The following SEMA3E variants were observed in gnomAD, a reference collection of about 807,000 sequenced individuals.
SEMA3E encodes semaphorin-3E.
A neutral mutation model predicts 93.6 loss-of-function variants in SEMA3E; 49 were observed. That is an observed-to-expected ratio of 0.52 (90% confidence interval 0.42 to 0.66). The LOEUF is 0.66. Ranked by LOEUF, SEMA3E falls within the 30% of genes least tolerant of loss-of-function variation. The probability of loss-of-function intolerance (pLI) is 0.00; values close to 1 mark genes in which losing one functional copy is unlikely to be tolerated. For synonymous variants in SEMA3E, 363 were observed against 330.7 expected, an observed-to-expected ratio of 1.10 and a Z score of -1.06; for missense variants, 906 against 964.8, an observed-to-expected ratio of 0.94 and a Z score of 0.81.
intron 1 of SEMA3E, among the ~76,000 whole-genome samples, chr7:83,646,429 A>C (rs1794080460): frequency 1.3e-5 from 2 of 152,060 alleles, no homozygotes; most frequent in Admixed American, 1.3e-4. Context: ...TTGCTGCTTC[A>C]GGTAGCATCT....
chr7:83,618,530 G>A (rs1793474200), intron 1 of SEMA3E, among the ~76,000 whole-genome samples: 1 of 151,908 alleles, frequency 6.6e-6, no homozygotes, highest in Admixed American at 6.6e-5. Flanking sequence ...CAATAAAACA[G>A]GAATATACAA....
chr7:83,462,826 G>A (rs1482015747), intron 4 of SEMA3E, among the ~76,000 whole-genome samples: 1 of 137,822 alleles, frequency 7.3e-6, no homozygotes, highest in South Asian at 2.5e-4. Context: ...AAATTGTTTT[G>A]CCTGTCCACC....
At chr7:83,512,758 A>G (rs1790852251) in intron 1 of SEMA3E, among the ~76,000 whole-genome samples, 2 of 152,214 alleles carry the variant, frequency 1.3e-5, no homozygotes, top group Non-Finnish European at 2.9e-5. Context: ...TACAACGTAT[A>G]TACATTGTGC....
chr7:83,413,278 A>G (rs959243852), intron 5 of SEMA3E, among the ~76,000 whole-genome samples: 1 of 151,610 alleles, frequency 6.6e-6, no homozygotes, highest in Non-Finnish European at 1.5e-5. Context: ...ATAACAAGAA[A>G]AATTCACAGT....
chr7:83,496,049 C>G (rs551251981), intron 1 of SEMA3E, among the ~76,000 whole-genome samples: 1 of 151,892 alleles, frequency 6.6e-6, no homozygotes, highest in Non-Finnish European at 1.5e-5. Flanking sequence ...ATGGCATGTA[C>G]TATCTAAGGG....
At chr7:83,627,628 CTTT>C (rs746550123) in intron 1 of SEMA3E, among the ~76,000 whole-genome samples, 465 of 65,278 alleles carry the variant, frequency 7.1e-3, no homozygotes, top group Non-Finnish European at 9.7e-3. Flanking sequence ...GCAACCCCTG[CTTT>C]TTTTTTTTTT....
chr7:83,423,323 G>A (rs1025491777), intron 4 of SEMA3E, among the ~76,000 whole-genome samples: 1 of 152,000 alleles, frequency 6.6e-6, no homozygotes, highest in Non-Finnish European at 1.5e-5. Context: ...GTATGTCTAA[G>A]GTCAAAACTC....
chr7:83,581,680 G>T (rs1040401658), intron 1 of SEMA3E, among the ~76,000 whole-genome samples: 1 of 151,772 alleles, frequency 6.6e-6, no homozygotes, highest in African/African-American at 2.4e-5. Flanking sequence ...CTTCAAAATC[G>T]CTGCAAGTGA....
At chr7:83,539,033 T>A (rs1349482645) in intron 1 of SEMA3E, among the ~76,000 whole-genome samples, 1 of 152,170 alleles carries the variant, frequency 6.6e-6, no homozygotes, top group Non-Finnish European at 1.5e-5. Context: ...AAAAGTTGAT[T>A]AGAAGCTCTG....
At chr7:83,464,046 C>G (rs1789696032) in intron 4 of SEMA3E, among the ~76,000 whole-genome samples, 1 of 152,088 alleles carries the variant, frequency 6.6e-6, no homozygotes, top group South Asian at 2.1e-4. Context: ...TAAGCCTTCC[C>G]ACCTCAATAC....
intron 1 of SEMA3E, among the ~76,000 whole-genome samples, chr7:83,502,283 A>G (rs1790610907): frequency 6.6e-6 from 1 of 152,188 alleles, no homozygotes; most frequent in South Asian, 2.1e-4. Flanking sequence ...CACAGTAGCC[A>G]GAGTGATCAT....
rs780996786 is a variant in SEMA3E, at chr7:83,367,720, C to T, written c.2194G>A (p.Val732Ile). The T allele has an allele frequency of 6.2e-7, 1 of 1,614,108 alleles. No individual in the cohort carries two copies. The change falls in exon 17 of 17, where the codon GTA becomes ATA. Residue 732 changes from valine (V) to isoleucine (I), a missense_variant. Physicochemically the swap from Val to Ile is conservative, Grantham distance 29 (BLOSUM62 3). Coordinates refer to ENST00000643230, the MANE Select transcript of SEMA3E (RefSeq NM_012431.3). ...FQRVEEYCEK[V>I]WCTDRKRKKL... ...TTCCTCTTTCTATCTGTGCACCATA[C>T]TTTCTCGCAGTATTCTTCCACTCTC...
chr7:83,633,924 C>G (rs1365352315), intron 1 of SEMA3E, among the ~76,000 whole-genome samples: 2 of 152,090 alleles, frequency 1.3e-5, no homozygotes, highest in South Asian at 2.1e-4. Context: ...GAGATCACTC[C>G]CTGAAGTAGT....
intron 1 of SEMA3E, among the ~76,000 whole-genome samples, chr7:83,634,118 T>C (rs1793836028): frequency 6.6e-6 from 1 of 152,192 alleles, no homozygotes; most frequent in African/African-American, 2.4e-5. Context: ...CTTAAAACAA[T>C]ATATTACTAT....
intron 1 of SEMA3E, among the ~76,000 whole-genome samples, chr7:83,637,712 T>G (rs1037724711): frequency 2.0e-5 from 3 of 152,060 alleles, no homozygotes; most frequent in African/African-American, 7.2e-5. Flanking sequence ...GTAAGTTTCC[T>G]GAGGCCTCCT....
chr7:83,436,176 A>G (rs947346478), intron 4 of SEMA3E, among the ~76,000 whole-genome samples: 1 of 151,262 alleles, frequency 6.6e-6, no homozygotes, highest in Non-Finnish European at 1.5e-5. Flanking sequence ...TCTCTAACAT[A>G]TGTGTGTGTG....
intron 4 of SEMA3E, among the ~76,000 whole-genome samples, chr7:83,465,742 G>C (rs1395199201): frequency 6.6e-6 from 1 of 152,158 alleles, no homozygotes; most frequent in Non-Finnish European, 1.5e-5. Context: ...TTCTACATGA[G>C]TATATTGTTT....
chr7:83,594,101 C>T lies in SEMA3E; in HGVS notation c.115+54327G>A, dbSNP rs60226798. Among the ~76,000 whole-genome samples, 244 of 152,206 alleles carry T rather than the reference C, an allele frequency of 1.6e-3. 1 individual carries two copies. Among genetic ancestry groups the T allele is most frequent in the African/African-American group, 5.4e-3 (223 of 41,558 alleles). ...AGGCTGTTCCATATGGTGAATTATG[C>T]CAATATGGAGAACTTTGCCAACTCA... On this transcript the variant is annotated intron_variant, in intron 1 of 16. Transcript: ENST00000643230.
chr7:83,484,723 G>A (rs2115955878), intron 2 of SEMA3E, among the ~76,000 whole-genome samples: 1 of 151,928 alleles, frequency 6.6e-6, no homozygotes, highest in South Asian at 2.1e-4. Flanking sequence ...TATCATATCT[G>A]GCATTATAAT....
Sources: gnomAD v4.1 joint callset for allele counts (sites outside exome capture counted in the v4.1 genomes callset) on GRCh38, gnomAD v4.1.1 for gene constraint, MANE v1.5 for transcripts, NCBI Gene and HGNC (gene_info 2026-07-23, HGNC 2026-07-21) for gene names.